Variants in SNRPN observed in about 807,000 individuals in gnomAD.
SNRPN encodes small nuclear ribonucleoprotein polypeptide N.
In SNRPN, 7 loss-of-function variants were observed where a neutral mutation model predicts 25.2. The observed-to-expected ratio is 0.28, with a 90% CI of 0.16 to 0.52. The LOEUF (loss-of-function observed/expected upper bound fraction) is 0.52. Ranked by LOEUF, SNRPN falls within the 20% of genes least tolerant of loss-of-function variation. The pLI is 0.96. For synonymous variants in SNRPN, 124 were observed against 110.6 expected (o/e 1.12, Z -0.76); for missense variants, 196 against 322.5 (o/e 0.61, Z 3.00).
intron 2 of SNRPN, among the ~76,000 whole-genome samples, chr15:24,833,331 T>C (rs895586102): frequency 6.6e-6 from 1 of 151,932 alleles, no homozygotes; most frequent in African/African-American, 2.4e-5. Context: ...ATGCTAGTAG[T>C]AAAATGTAAG....
At chr15:24,847,182 CT>C (rs1456259753) in intron 2 of SNRPN, among the ~76,000 whole-genome samples, 1 of 152,032 alleles carries the variant, frequency 6.6e-6, no homozygotes, top group Non-Finnish European at 1.5e-5. Flanking sequence ...AAAATACCTG[CT>C]ACACTGTGGT....
At chr15:24,927,273 A>G (rs1194970480) in intron 3 of SNRPN, among the ~76,000 whole-genome samples, 3 of 151,866 alleles carry the variant, frequency 2.0e-5, no homozygotes, top group Admixed American at 2.0e-4. Context: ...GTCATATGCT[A>G]CCGTACCTGG....
chr15:24,928,837 G>A (rs1039446361), intron 3 of SNRPN, among the ~76,000 whole-genome samples: 5 of 151,874 alleles, frequency 3.3e-5, no homozygotes, highest in Admixed American at 3.3e-4. Flanking sequence ...CAAACTCCTG[G>A]CCTAAAACAA....
intron 2 of SNRPN, among the ~76,000 whole-genome samples, chr15:24,898,146 G>A (rs1227028265): frequency 2.0e-5 from 3 of 151,952 alleles, no homozygotes; most frequent in African/African-American, 7.3e-5. Context: ...TGAATCTTGT[G>A]GGAGAAGCAC....
chr15:24,844,069 C>T (rs80024080), intron 2 of SNRPN, among the ~76,000 whole-genome samples: 2,398 of 151,952 alleles, frequency 0.016, 58 homozygotes, highest in African/African-American at 0.056. Context: ...ATATGGGAAT[C>T]CCCGTTACTC....
intron 2 of SNRPN, among the ~76,000 whole-genome samples, chr15:24,965,635 G>A (rs1193521019): frequency 1.3e-5 from 2 of 152,170 alleles, no homozygotes; most frequent in African/African-American, 4.8e-5. Context: ...TTTGGGGCTG[G>A]ATGATGTATC....
intron 2 of SNRPN, among the ~76,000 whole-genome samples, chr15:24,916,900 G>A (rs955730256): frequency 2.4e-4 from 37 of 152,244 alleles, no homozygotes; most frequent in African/African-American, 7.9e-4. Flanking sequence ...TGTGAAGATC[G>A]AAAGAACAAA....
intron 2 of SNRPN, among the ~76,000 whole-genome samples, chr15:24,915,294 A>C (rs1365017646): frequency 6.6e-6 from 1 of 151,632 alleles, no homozygotes; most frequent in African/African-American, 2.4e-5. Flanking sequence ...TACCCGGCTA[A>C]TTTTTGTATT....
chr15:24,953,014 A>G (rs1162866234), upstream of SNRPN, among the ~76,000 whole-genome samples: 1 of 152,226 alleles, frequency 6.6e-6, no homozygotes, highest in Non-Finnish European at 1.5e-5. Flanking sequence ...GTACTCTAAC[A>G]TTTGGTGAAG....
upstream of SNRPN, among the ~76,000 whole-genome samples, chr15:24,854,539 G>T (rs2053202216): frequency 6.6e-6 from 1 of 152,192 alleles, no homozygotes; most frequent in Non-Finnish European, 1.5e-5. Context: ...CTTTAACTCT[G>T]AAGAAAGCTA....
upstream of SNRPN, among the ~76,000 whole-genome samples, chr15:24,951,045 A>G (rs1163111608): frequency 6.6e-6 from 1 of 151,800 alleles, no homozygotes; most frequent in African/African-American, 2.4e-5. Context: ...TTTTTAGTAG[A>G]GACAGAGTTT....
chr15:24,943,271 C>G (rs1412912454), intron 3 of SNRPN, among the ~76,000 whole-genome samples: 2 of 149,394 alleles, frequency 1.3e-5, no homozygotes, highest in African/African-American at 5.2e-5. Context: ...GTCTTCACCA[C>G]TCTTCTTCAG....
intron 1 of SNRPN, among the ~76,000 whole-genome samples, chr15:24,827,694 C>T (rs2050206466): frequency 6.6e-6 from 1 of 151,506 alleles, no homozygotes; most frequent in African/African-American, 2.4e-5. Flanking sequence ...TGGTGAAACC[C>T]TGTCTCTACT....
chr15:24,935,135 G>A (rs1451412842), intron 3 of SNRPN, among the ~76,000 whole-genome samples: 1 of 152,030 alleles, frequency 6.6e-6, no homozygotes, highest in Non-Finnish European at 1.5e-5. Context: ...AGCTGGGCAT[G>A]GCAGCATGCC....
intron 2 of SNRPN, among the ~76,000 whole-genome samples, chr15:24,966,105 T>A (rs748235136): frequency 4.6e-5 from 7 of 152,110 alleles, no homozygotes; most frequent in Non-Finnish European, 1.0e-4. Context: ...GTTGTCTAGA[T>A]GCCCTCCAGA....
At chr15:24,972,998 C>T (rs1435385086) in intron 3 of SNRPN, among the ~76,000 whole-genome samples, 3 of 152,140 alleles carry the variant, frequency 2.0e-5, no homozygotes, top group Admixed American at 6.5e-5. Context: ...AGCGATTCTC[C>T]TGCCTCAGCC....
At chr15:24,950,809 A>G (rs568684719), upstream of SNRPN, among the ~76,000 whole-genome samples, 1 of 150,892 alleles carries the variant, frequency 6.6e-6, no homozygotes, top group South Asian at 2.1e-4. Flanking sequence ...CAGCCTCCCA[A>G]AGGATTGGGA....
At chr15:24,951,196 A>T (rs2062243645), upstream of SNRPN, among the ~76,000 whole-genome samples, 1 of 151,958 alleles carries the variant, frequency 6.6e-6, no homozygotes, top group African/African-American at 2.4e-5. Context: ...TTAGGAGTAG[A>T]ATTGTAGGTC....
At chr15:24,952,156 T>A (rs534118285), upstream of SNRPN, among the ~76,000 whole-genome samples, 161 of 152,286 alleles carry the variant, frequency 1.1e-3, no homozygotes, top group Non-Finnish European at 1.9e-3. Context: ...TATGTGTACC[T>A]GTATACATAT....
Sources: allele counts gnomAD v4.1 joint callset (sites outside exome capture counted in the v4.1 genomes callset), GRCh38; gene constraint gnomAD v4.1.1; transcripts MANE v1.5; gene names NCBI Gene and HGNC (gene_info 2026-07-23, HGNC 2026-07-21).